SCYL3: variants seen among roughly 807,000 people sequenced by gnomAD.
The protein encoded by SCYL3 is SCY1 like pseudokinase 3, also known as protein-associating with the carboxyl-terminal domain of ezrin.
In SCYL3, 35 loss-of-function variants were observed where a neutral mutation model predicts 73.8. That is an observed-to-expected ratio of 0.47 (90% CI 0.36 to 0.63). The LOEUF is 0.63. Ranked by LOEUF, SCYL3 falls within the 20% of genes least tolerant of loss-of-function variation. The probability of loss-of-function intolerance (pLI) is 0.00; values close to 1 mark genes in which losing one functional copy is unlikely to be tolerated. For synonymous variants in SCYL3, 277 were observed against 295.2 expected, an observed-to-expected ratio of 0.94 and a Z score of 0.63; for missense variants, 712 against 798.9, an observed-to-expected ratio of 0.89 and a Z score of 1.31.
rs1658903373 is a variant in SCYL3 at position 169,854,308 on chromosome 1, G to A, written c.1969C>T (p.Gln657Ter). The change falls in exon 12 of 13, where the codon CAG becomes TAG. Residue 657 changes from glutamine (Q) to a stop codon, truncating the protein, a stop_gained. Transcript: ENST00000367771. LOFTEE classifies it high-confidence loss of function. ...GCTGCAGCAAATTTTGAGGAAAACT[G>A]CATCACTGGGGAGACATCATCCTTT... ...PKKDDVSPVMQFSSKFAAAEI... is the reference protein window; with the variant it reads ...PKKDDVSPVM The A allele has an allele frequency of 6.2e-7, 1 of 1,609,252 alleles. No individual in the cohort carries two copies. The highest frequency in any genetic ancestry group is 8.5e-7 in the Non-Finnish European group (1 of 1,178,570).
intron 9 of SCYL3, among the ~76,000 whole-genome samples, chr1:169,863,551 T>C (rs1244601264): frequency 1.3e-5 from 2 of 152,174 alleles, no homozygotes; most frequent in African/African-American, 4.8e-5. Flanking sequence ...CAGGTATGTA[T>C]TGAGAATTAT....
chr1:169,863,204 C>A (rs1413178607), intron 9 of SCYL3, among the ~76,000 whole-genome samples: 1 of 152,194 alleles, frequency 6.6e-6, no homozygotes, highest in Non-Finnish European at 1.5e-5. Context: ...AGCCACCGCG[C>A]CCGGCCAGTA....
At chr1:169,886,436 T>C (rs543377236) in intron 2 of SCYL3, among the ~76,000 whole-genome samples, 4 of 152,196 alleles carry the variant, frequency 2.6e-5, no homozygotes, top group Non-Finnish European at 5.9e-5. Flanking sequence ...TTAAATAACA[T>C]TGACTAACCC....
intron 3 of SCYL3, among the ~76,000 whole-genome samples, chr1:169,877,285 A>G (rs1305130725): frequency 4.0e-5 from 6 of 151,830 alleles, no homozygotes; most frequent in Admixed American, 3.9e-4. Flanking sequence ...TCTCCGGTGT[A>G]GGGGGACTAC....
chr1:169,889,773 CG>C (rs1283505038), intron 1 of SCYL3, among the ~76,000 whole-genome samples: 4 of 152,112 alleles, frequency 2.6e-5, no homozygotes, highest in Non-Finnish European at 1.5e-5. Flanking sequence ...ATGATGGTAA[CG>C]GGTGATTATG....
chr1:169,859,258 CTCTT>C (rs1329788962), intron 10 of SCYL3, 46 bp from the exon 11 acceptor site: 2 of 1,542,004 alleles, frequency 1.3e-6, no homozygotes, highest in Non-Finnish European at 1.8e-6. Context: ...CAATACCTAT[CTCTT>C]TCTTCCCCTG....
chr1:169,866,706 T>C (rs1660053387), intron 8 of SCYL3, among the ~76,000 whole-genome samples, 190 bp downstream of exon 8: 1 of 152,228 alleles, frequency 6.6e-6, no homozygotes, highest in South Asian at 2.1e-4. Context: ...GGATTATCAG[T>C]CTGGGTATCT....
intron 4 of SCYL3, among the ~76,000 whole-genome samples, chr1:169,875,132 T>C (rs1345536398): frequency 6.6e-6 from 1 of 152,088 alleles, no homozygotes; most frequent in African/African-American, 2.4e-5. Flanking sequence ...GTCTTTGTGG[T>C]AGAACATCTG....
chr1:169,858,750 T>C (rs1409530651), intron 11 of SCYL3, among the ~76,000 whole-genome samples: 1 of 151,446 alleles, frequency 6.6e-6, no homozygotes, highest in Non-Finnish European at 1.5e-5. Flanking sequence ...CATCATGGTA[T>C]AGACAGTCAG....
Position 169,851,822 on chromosome 1 carries a change from G to C in SCYL3, c.*1891C>G. 1 of 1,613,854 alleles carries C rather than the reference G, an allele frequency of 6.2e-7. No individual in the cohort carries two copies. The highest frequency in any genetic ancestry group is 8.5e-7 in the Non-Finnish European group (1 of 1,179,878). On this transcript the variant is annotated 3_prime_UTR_variant, in exon 13 of 13. Coordinates refer to ENST00000367771, the MANE Select transcript of SCYL3 (RefSeq NM_020423.7). ...TTTTTCATGGTCCCTGGCAGACTGGGTTTGTAGATGAAACTGAAGCTGCCA... is the reference window on the plus strand; with the variant it reads ...TTTTTCATGGTCCCTGGCAGACTGGCTTTGTAGATGAAACTGAAGCTGCCA...
At position 169,878,517 on chromosome 1, in the gene SCYL3, A is replaced by G. The variant is rs914600532; in HGVS notation, c.351+117T>C. ...TTTTTCCTCAGGAAGTTTTCTAATAATAACACTTAACTTACAATTTCTATG... is the reference window on the plus strand; with the variant it reads ...TTTTTCCTCAGGAAGTTTTCTAATAGTAACACTTAACTTACAATTTCTATG... On this transcript the variant is annotated intron_variant, in intron 3 of 12. Coordinates refer to ENST00000367771, the MANE Select transcript of SCYL3 (RefSeq NM_020423.7). 6.5e-6 allele frequency: 6 copies of G among 928,080 alleles called. No homozygotes were observed. In the African/African-American group the frequency reaches 8.6e-5, roughly 13 times the overall value. The allele number at this position is 928,080 out of a possible 1,614,324, so 57.5% of individuals were successfully genotyped here.
At chr1:169,871,816 T>C (rs1344924130) in intron 5 of SCYL3, among the ~76,000 whole-genome samples, 4 of 152,202 alleles carry the variant, frequency 2.6e-5, no homozygotes, top group Non-Finnish European at 5.9e-5. Context: ...TGGTGGCATT[T>C]TGCCCCTGCC....
intron 8 of SCYL3, among the ~76,000 whole-genome samples, chr1:169,864,836 TG>T (rs1659918804): frequency 6.6e-6 from 1 of 152,094 alleles, no homozygotes; most frequent in Admixed American, 6.6e-5. Flanking sequence ...GGCAGACGCC[TG>T]TAATCCCAGC....
chr1:169,873,209 A>G (rs1317581455), intron 5 of SCYL3, among the ~76,000 whole-genome samples: 2 of 152,104 alleles, frequency 1.3e-5, no homozygotes, highest in African/African-American at 4.8e-5. Flanking sequence ...GGTAATAGTG[A>G]GTAGGTCTCA....
Position 169,850,179 on chromosome 1 carries a change from G to A in SCYL3, c.*3534C>T. ...GACTCTTACTTAAAATGAATTTTTG[G>A]TTAAGGTAGCTCATAAAACTCATCT... On this transcript the variant is annotated 3_prime_UTR_variant, in exon 13 of 13. Transcript: ENST00000367771. The A allele has an allele frequency of 1.2e-6, 1 of 814,372 alleles. No homozygotes were observed. The highest frequency in any genetic ancestry group is 1.6e-5 in the South Asian group (1 of 63,262). 50.4% of individuals were successfully genotyped at this position (814,372 alleles called of 1,614,324 possible).
At chr1:169,876,267 C>CT (rs1478662843) in intron 3 of SCYL3, among the ~76,000 whole-genome samples, 176 bp from the exon 4 acceptor site, 2 of 152,120 alleles carry the variant, frequency 1.3e-5, no homozygotes, top group Non-Finnish European at 2.9e-5. Context: ...GGAACTATAA[C>CT]TTTAAGAAAC....
rs1391535713 is a variant in SCYL3 at position 169,853,359 on chromosome 1, C to T, written c.*354G>A. On this transcript the variant is annotated 3_prime_UTR_variant, in exon 13 of 13. Transcript: ENST00000367771. ...CTTACTCTTATGTTAAAGAATGGCACAAAATTAAGCTAACCAGCTTGAATT... is the reference window on the plus strand; with the variant it reads ...CTTACTCTTATGTTAAAGAATGGCATAAAATTAAGCTAACCAGCTTGAATT... 1 of 316,252 alleles carries T rather than the reference C, an allele frequency of 3.2e-6. No individual in the cohort carries two copies. The highest frequency in any genetic ancestry group is 2.2e-5 in the African/African-American group (1 of 46,344). 19.6% of individuals were successfully genotyped at this position (316,252 alleles called of 1,614,324 possible).
At position 169,852,670 on chromosome 1, in the gene SCYL3, T is replaced by C. The variant is rs1658542296; in HGVS notation, c.*1043A>G. 4 of 1,057,718 alleles carry C rather than the reference T, an allele frequency of 3.8e-6. No individual in the cohort carries two copies. The highest frequency in any genetic ancestry group is 1.6e-5 in the South Asian group (1 of 63,662). 65.5% of individuals were successfully genotyped at this position (1,057,718 alleles called of 1,614,324 possible). On this transcript the variant is annotated 3_prime_UTR_variant, in exon 13 of 13. Coordinates refer to ENST00000367771, the MANE Select transcript of SCYL3 (RefSeq NM_020423.7). Reference sequence around the variant, plus strand: ...TGTGTAGGGGTTTTGGGGTGCATCCTCCTACCCTTGTGATCCAATGACTAG... The same window carrying C: ...TGTGTAGGGGTTTTGGGGTGCATCCCCCTACCCTTGTGATCCAATGACTAG...
At chr1:169,871,203 C>T (rs889885298) in intron 5 of SCYL3, among the ~76,000 whole-genome samples, 1 of 152,128 alleles carries the variant, frequency 6.6e-6, no homozygotes, top group Non-Finnish European at 1.5e-5. Context: ...ACTGTTTTCC[C>T]ACCCAAATCT....
Sources: allele counts gnomAD v4.1 joint callset (sites outside exome capture counted in the v4.1 genomes callset), GRCh38; gene constraint gnomAD v4.1.1; transcripts MANE v1.5; gene names NCBI Gene and HGNC (gene_info 2026-07-23, HGNC 2026-07-21).